The following GRIN2A variants were observed in gnomAD, a reference collection of about 807,000 sequenced individuals.
GRIN2A encodes the protein glutamate receptor ionotropic, NMDA 2A.
In GRIN2A, 22 loss-of-function variants were observed where a neutral mutation model predicts 113.4. The observed-to-expected ratio is 0.19, with a 90% CI of 0.14 to 0.28. The LOEUF (loss-of-function observed/expected upper bound fraction) is 0.28. Among genes scored for constraint, GRIN2A ranks in the 10% least tolerant of loss-of-function variants. GRIN2A has a pLI of 1.00. For synonymous variants in GRIN2A, 827 were observed against 738.4 expected, an observed-to-expected ratio of 1.12 and a Z score of -1.94; for missense variants, 1,502 against 1,887.0, an observed-to-expected ratio of 0.80 and a Z score of 3.78.
intron 10 of GRIN2A, among the ~76,000 whole-genome samples, chr16:9,807,936 G>A (rs1462472849): frequency 6.6e-6 from 1 of 152,150 alleles, no homozygotes; most frequent in Non-Finnish European, 1.5e-5. Context: ...AATTTGTTTG[G>A]TGAATTGCAA....
chr16:9,959,915 T>A (rs767488572), intron 2 of GRIN2A, among the ~76,000 whole-genome samples: 1 of 152,252 alleles, frequency 6.6e-6, no homozygotes, highest in African/African-American at 2.4e-5. Context: ...AGAGGTTGCA[T>A]TGAGCCAAAA....
At chr16:9,911,911 A>C (rs2044147473) in intron 3 of GRIN2A, among the ~76,000 whole-genome samples, 1 of 152,212 alleles carries the variant, frequency 6.6e-6, no homozygotes, top group South Asian at 2.1e-4. Context: ...GAGAGGCATT[A>C]AGGTATTGTG....
At chr16:10,092,650 G>C (rs1354310404) in intron 2 of GRIN2A, among the ~76,000 whole-genome samples, 1 of 152,086 alleles carries the variant, frequency 6.6e-6, no homozygotes, top group East Asian at 1.9e-4. Flanking sequence ...TATGAGGTCA[G>C]TTCTATTTTA....
At chr16:9,990,005 C>T (rs182175019) in intron 2 of GRIN2A, among the ~76,000 whole-genome samples, 1 of 152,136 alleles carries the variant, frequency 6.6e-6, no homozygotes, top group Non-Finnish European at 1.5e-5. Flanking sequence ...ATAGAATTAC[C>T]ATTCTACCCA....
In GRIN2A at chr16:9,754,608, G is replaced by C. The variant is rs548986712; in HGVS notation, c.*8541C>G. 4.6e-6 allele frequency: 1 copy of C among 216,010 alleles called. No homozygotes were observed. Among genetic ancestry groups the C allele is most frequent in the South Asian group, 1.9e-4 (1 of 5,374 alleles). The allele number at this position is 216,010 out of a possible 1,614,324, so 13.4% of individuals were successfully genotyped here. ...ATTTACGTAAGTGGTCATGGCCCCA[G>C]AGCTTTTCTACAAACTTAATAAACT... is the stretch of plus-strand genomic sequence containing the variant. On this transcript the variant is annotated 3_prime_UTR_variant, in exon 13 of 13. Coordinates refer to ENST00000330684, the MANE Select transcript of GRIN2A (RefSeq NM_001134407.3).
chr16:9,797,062 G>A (rs979395845), intron 11 of GRIN2A, among the ~76,000 whole-genome samples: 5 of 152,244 alleles, frequency 3.3e-5, no homozygotes, highest in Admixed American at 2.6e-4. Flanking sequence ...GAAGCCACAA[G>A]TAATTGTGCA....
chr16:9,939,368 G>A (rs775628760), intron 2 of GRIN2A, among the ~76,000 whole-genome samples: 4 of 152,284 alleles, frequency 2.6e-5, no homozygotes, highest in Non-Finnish European at 2.9e-5. Flanking sequence ...CGGACGATAC[G>A]ATGTTGAAGA....
At chr16:9,895,121 G>C (rs939581555) in intron 3 of GRIN2A, among the ~76,000 whole-genome samples, 2 of 152,170 alleles carry the variant, frequency 1.3e-5, no homozygotes, top group South Asian at 4.1e-4. Flanking sequence ...TGGGGAGAGG[G>C]ACACACAAAA....
intron 3 of GRIN2A, among the ~76,000 whole-genome samples, chr16:9,907,821 C>T (rs138005291): frequency 6.6e-6 from 1 of 152,286 alleles, no homozygotes; most frequent in Non-Finnish European, 1.5e-5. Context: ...ACTTCCTCTG[C>T]AGCTCCATTT....
intron 11 of GRIN2A, among the ~76,000 whole-genome samples, chr16:9,793,514 A>C (rs1902754511): frequency 6.6e-6 from 1 of 152,026 alleles, no homozygotes; most frequent in Non-Finnish European, 1.5e-5. Context: ...TCAGGTTCTC[A>C]CTCAAGTGTT....
intron 2 of GRIN2A, chr16:10,179,785 A>C: frequency 1.6e-6 from 1 of 606,462 alleles, no homozygotes; most frequent in African/African-American, 1.8e-5. Flanking sequence ...TCCTGTGTAC[A>C]CCATTTTCAG....
intron 2 of GRIN2A, among the ~76,000 whole-genome samples, chr16:10,034,725 T>G (rs2046994148): frequency 6.6e-6 from 1 of 152,008 alleles, no homozygotes; most frequent in South Asian, 2.1e-4. Flanking sequence ...TTGGCTTTCT[T>G]AAAGATTCCC....
intron 2 of GRIN2A, among the ~76,000 whole-genome samples, chr16:10,050,960 G>A (rs192829480): frequency 3.3e-5 from 5 of 152,258 alleles, no homozygotes; most frequent in Admixed American, 1.3e-4. Flanking sequence ...AGAAGTTCAT[G>A]GTAATTTGTT....
At chr16:10,179,089 C>T (rs981616248) in intron 2 of GRIN2A, among the ~76,000 whole-genome samples, 10 of 152,294 alleles carry the variant, frequency 6.6e-5, no homozygotes, top group East Asian at 1.9e-4. Flanking sequence ...GTCATAACAT[C>T]GCCTTCAAAT....
At chr16:10,152,007 G>T (rs2049588882) in intron 2 of GRIN2A, among the ~76,000 whole-genome samples, 1 of 152,194 alleles carries the variant, frequency 6.6e-6, no homozygotes, top group Non-Finnish European at 1.5e-5. Flanking sequence ...CTACAGAGAT[G>T]CTGCTCTTGT....
chr16:10,099,107 T>C (rs1258863522), intron 2 of GRIN2A, among the ~76,000 whole-genome samples: 2 of 152,228 alleles, frequency 1.3e-5, no homozygotes, highest in Non-Finnish European at 2.9e-5. Context: ...CAAAGAAATT[T>C]CTAACATTCC....
At chr16:10,064,701 G>A (rs763222761) in intron 2 of GRIN2A, among the ~76,000 whole-genome samples, 74 of 152,292 alleles carry the variant, frequency 4.9e-4, no homozygotes, top group Non-Finnish European at 1.0e-3. Context: ...ACAACCCCAG[G>A]TGCAAATCTT....
chr16:10,081,935 C>T (rs1052407600), intron 2 of GRIN2A, among the ~76,000 whole-genome samples: 1 of 152,170 alleles, frequency 6.6e-6, no homozygotes. Flanking sequence ...TAGTTGTAGT[C>T]CTGGAGTCAG....
At chr16:10,172,519 GAGTGAAGTGA>G (rs750066465) in intron 2 of GRIN2A, among the ~76,000 whole-genome samples, 8 of 152,210 alleles carry the variant, frequency 5.3e-5, no homozygotes, top group Admixed American at 2.6e-4. Flanking sequence ...TAACATAAAT[GAGTGAAGTGA>G]AGTGAAGTGA....
Sources: gnomAD v4.1 joint callset for allele counts (sites outside exome capture counted in the v4.1 genomes callset) on GRCh38, gnomAD v4.1.1 for gene constraint, MANE v1.5 for transcripts, NCBI Gene and HGNC (gene_info 2026-07-23, HGNC 2026-07-21) for gene names.